GLI2: variants seen among roughly 807,000 people sequenced by gnomAD.
GLI2 encodes the protein transcription activator GLI2.
Under a neutral mutation model 78.9 loss-of-function variants are expected in GLI2, and 22 were observed. The ratio of observed to expected loss-of-function variants is 0.28; its 90% CI spans 0.20 to 0.40. The LOEUF (loss-of-function observed/expected upper bound fraction) is 0.40, where lower values mean the gene tolerates loss of function less well. GLI2 is among the 10% of genes least tolerant of loss of function. The pLI, the probability that GLI2 is intolerant of heterozygous loss-of-function variation, is 1.00. For missense variants in GLI2, 2,097 were observed against 2,213.2 expected, an observed-to-expected ratio of 0.95 and a Z score of 1.05; for synonymous variants, 974 against 963.7, an observed-to-expected ratio of 1.01 and a Z score of -0.20.
chr2:120,985,633 T>C (rs531337512), intron 12 of GLI2, among the ~76,000 whole-genome samples: 1 of 152,238 alleles, frequency 6.6e-6, no homozygotes, highest in South Asian at 2.1e-4. Flanking sequence ...CCAGAGGTGG[T>C]GGTGCATCTG....
intron 2 of GLI2, among the ~76,000 whole-genome samples, chr2:120,873,850 T>C (rs998228028): frequency 4.6e-5 from 7 of 152,146 alleles, no homozygotes; most frequent in Admixed American, 3.3e-4. Flanking sequence ...GTTTGCAGAG[T>C]TCGTAACGAC....
At chr2:120,782,835 G>A (rs1352848953) in intron 1 of GLI2, among the ~76,000 whole-genome samples, 2 of 152,186 alleles carry the variant, frequency 1.3e-5, no homozygotes, top group Admixed American at 6.5e-5. Flanking sequence ...TCCCTTGGTG[G>A]CAAATTCACT....
intron 2 of GLI2, among the ~76,000 whole-genome samples, chr2:120,840,163 T>C (rs950059562): frequency 2.0e-5 from 3 of 152,224 alleles, no homozygotes; most frequent in Non-Finnish European, 2.9e-5. Flanking sequence ...TTTGAAGCCT[T>C]AGGATCCACG....
At chr2:120,761,824 G>A (rs574900596) in intron 1 of GLI2, among the ~76,000 whole-genome samples, 18 of 152,326 alleles carry the variant, frequency 1.2e-4, no homozygotes, top group African/African-American at 4.1e-4. Context: ...CTTTCTTGGT[G>A]TATGGCTTGG....
At chr2:120,863,357 T>G (rs1687986358) in intron 2 of GLI2, among the ~76,000 whole-genome samples, 1 of 152,178 alleles carries the variant, frequency 6.6e-6, no homozygotes, top group South Asian at 2.1e-4. Flanking sequence ...GCTTGCCTCT[T>G]CCTGACCGCG....
At chr2:120,826,190 T>G (rs1686050370) in intron 2 of GLI2, among the ~76,000 whole-genome samples, 1 of 152,032 alleles carries the variant, frequency 6.6e-6, no homozygotes, top group African/African-American at 2.4e-5. Flanking sequence ...AAGTTCAGCA[T>G]GGAGGAGAGA....
intron 2 of GLI2, among the ~76,000 whole-genome samples, chr2:120,874,401 G>A (rs1688623194): frequency 6.6e-6 from 1 of 152,236 alleles, no homozygotes; most frequent in African/African-American, 2.4e-5. Context: ...AGGGTTTGGA[G>A]AAACACTGAA....
chr2:120,765,942 A>C (rs879357525), intron 1 of GLI2, among the ~76,000 whole-genome samples: 4 of 152,204 alleles, frequency 2.6e-5, no homozygotes, highest in Admixed American at 1.3e-4. Context: ...GCAGCAGGAA[A>C]AGCACTCCTC....
chr2:120,753,770 C>T (rs1483110050), intron 1 of GLI2, among the ~76,000 whole-genome samples: 3 of 151,824 alleles, frequency 2.0e-5, no homozygotes, highest in African/African-American at 4.8e-5. Flanking sequence ...AGGTGGCGGG[C>T]GCCTGCAGTC....
rs1553455507 is a variant in GLI2, at chr2:120,841,848, G to GGGGTGT, written c.148+44381_148+44382insGGTGTG. Reference sequence around the variant, plus strand: ...AGGACCATTGCAAGCCAGTCTGGAGGGTGTGTGTGTGTGTGTGTGTGTGTG... The same window carrying GGGGTGT: ...AGGACCATTGCAAGCCAGTCTGGAGGGGGTGTGTGTGTGTGTGTGTGTGTGTGTGTG... On this transcript the variant is annotated intron_variant, in intron 2 of 13. Transcript: ENST00000361492. 2.2e-4 allele frequency among the ~76,000 whole-genome samples: 29 copies of GGGGTGT among 132,690 alleles called. 1 individual carries two copies. The highest frequency in any genetic ancestry group is 4.0e-3 in the Middle Eastern group (1 of 248). 87.0% of individuals were successfully genotyped at this position (132,690 alleles called of 152,430 possible). A position where few individuals can be genotyped will look rare whatever the true frequency, so the allele number is the denominator to read the frequency against.
chr2:120,947,665 C>T (rs1680778241), intron 3 of GLI2, among the ~76,000 whole-genome samples: 1 of 152,188 alleles, frequency 6.6e-6, no homozygotes, highest in African/African-American at 2.4e-5. Context: ...TATAAACCCC[C>T]TACCAGGTGC....
At chr2:120,887,657 C>T (rs901314821) in intron 2 of GLI2, among the ~76,000 whole-genome samples, 7 of 152,244 alleles carry the variant, frequency 4.6e-5, no homozygotes, top group Non-Finnish European at 1.0e-4. Context: ...GCGCCCTTCT[C>T]CCACAGAGGC....
intron 10 of GLI2, among the ~76,000 whole-genome samples, chr2:120,980,773 A>G (rs186618637): frequency 1.6e-4 from 24 of 152,336 alleles, no homozygotes; most frequent in Admixed American, 1.6e-3. Flanking sequence ...TTATAGAAAT[A>G]TTGAATACTG....
chr2:120,971,796 G>A (rs1000736712), intron 7 of GLI2, 145 bp from the exon 8 acceptor site: 7 of 750,666 alleles, frequency 9.3e-6, no homozygotes, highest in Non-Finnish European at 1.7e-5. Flanking sequence ...GCAGGACTGA[G>A]CTGGGGACTC....
chr2:120,967,947 G>C (rs894816162), intron 5 of GLI2, among the ~76,000 whole-genome samples: 1 of 152,204 alleles, frequency 6.6e-6, no homozygotes, highest in African/African-American at 2.4e-5. Context: ...GAAGAGTCTG[G>C]GGGCCGCCAT....
intron 2 of GLI2, among the ~76,000 whole-genome samples, chr2:120,824,864 A>C (rs558561676): frequency 1.3e-5 from 2 of 152,232 alleles, no homozygotes; most frequent in South Asian, 4.1e-4. Flanking sequence ...GAGACAGGTT[A>C]TCGCTCAGTT....
intron 2 of GLI2, among the ~76,000 whole-genome samples, chr2:120,921,090 AG>A (rs1679353336): frequency 6.6e-6 from 1 of 152,104 alleles, no homozygotes; most frequent in African/African-American, 2.4e-5. Context: ...CAGCCTGGCC[AG>A]GGGGCTCTGA....
rs1187602632 is a variant in GLI2 at position 120,988,980 on chromosome 2, C to G, written c.3015C>G (p.Gly1005=). The G allele has an allele frequency of 6.4e-7, 1 of 1,569,158 alleles. No homozygotes were observed. Among genetic ancestry groups the G allele is most frequent in the Non-Finnish European group, 8.6e-7 (1 of 1,163,770 alleles). Residue 1005 remains glycine (G), a synonymous_variant, in exon 14 of 14, where the codon GGC becomes GGG. Transcript: ENST00000361492. ...GCACCGACGGCGGCCTGGCCCGCGGCGCCTACTCGCCCCGGCCGCCTAGCA... is the reference window on the plus strand; with the variant it reads ...GCACCGACGGCGGCCTGGCCCGCGGGGCCTACTCGCCCCGGCCGCCTAGCA... The part of the protein sequence containing the change: ...HPSTDGGLAR[G]AYSPRPPSIS...
intron 2 of GLI2, among the ~76,000 whole-genome samples, chr2:120,807,529 A>G (rs1685019218): frequency 6.6e-6 from 1 of 152,174 alleles, no homozygotes; most frequent in Non-Finnish European, 1.5e-5. Flanking sequence ...GAAGGAGCTG[A>G]GTCTCTATAA....
Sources: gnomAD v4.1 joint callset for allele counts (sites outside exome capture counted in the v4.1 genomes callset) on GRCh38, gnomAD v4.1.1 for gene constraint, MANE v1.5 for transcripts, NCBI Gene and HGNC (gene_info 2026-07-23, HGNC 2026-07-21) for gene names.